The following PCDH11X variants were observed in gnomAD, a reference collection of about 807,000 sequenced individuals.
PCDH11X encodes the protein protocadherin 11 X-linked.
Under a neutral mutation model 53.3 loss-of-function variants are expected in PCDH11X, and 18 were observed. The observed-to-expected ratio is 0.34, with a 90% CI of 0.23 to 0.50. The LOEUF (loss-of-function observed/expected upper bound fraction) is 0.50. Ranked by LOEUF, PCDH11X falls within the 20% of genes least tolerant of loss-of-function variation. The pLI is 0.98. For missense variants in PCDH11X, 570 were observed against 1,032.4 expected, an observed-to-expected ratio of 0.55 and a Z score of 6.14; for synonymous variants, 279 against 393.3, an observed-to-expected ratio of 0.71 and a Z score of 3.44.
intron 7 of PCDH11X, among the ~76,000 whole-genome samples, chrX:92,249,409 T>A (rs373554493): frequency 5.4e-5 from 6 of 112,121 alleles, no homozygotes; most frequent in African/African-American, 1.9e-4. Flanking sequence ...TTTGCATAGA[T>A]CTTTAGCAGC....
intron 6 of PCDH11X, among the ~76,000 whole-genome samples, chrX:91,887,948 T>C (rs185572578): frequency 9.0e-6 from 1 of 111,719 alleles, no homozygotes; most frequent in East Asian, 2.8e-4. Context: ...TTTTATACTT[T>C]AAAAAAATAC....
chrX:92,328,325 A>G (rs371959097), intron 8 of PCDH11X, among the ~76,000 whole-genome samples: 1 of 110,570 alleles, frequency 9.0e-6, no homozygotes. Flanking sequence ...AGGGAAATTT[A>G]TGGCATAAAA....
At chrX:92,189,897 A>G (rs2066164285) in intron 6 of PCDH11X, among the ~76,000 whole-genome samples, 1 of 111,326 alleles carries the variant, frequency 9.0e-6, no homozygotes, top group Non-Finnish European at 1.9e-5. Flanking sequence ...CCTTTGCCCA[A>G]TTCTTAATGG....
At chrX:92,563,047 GTTTTTTTTTTTTTTTTTTTTT>G (rs61411325) in intron 10 of PCDH11X, among the ~76,000 whole-genome samples, 2 of 43,859 alleles carry the variant, frequency 4.6e-5, no homozygotes, top group African/African-American at 1.9e-4. Context: ...CCTTGGTACC[GTTTTTTTTTTTTTTTTTTTTT>G]TTTTTTTTTT....
rs769227987 is a variant in PCDH11X, at chrX:91,988,917, A to G, written c.3033+109644A>G. 6.3e-5 allele frequency among the ~76,000 whole-genome samples: 7 copies of G among 111,641 alleles called. 1 individual carries two copies. The South Asian group carries it at 2.6e-3, about 42-fold the overall frequency. Reference sequence around the variant, plus strand: ...CTTCCAAGAATTCACTTCTTGATTCAAATATATATCCATTTCACAGGGAAC... The same window carrying G: ...CTTCCAAGAATTCACTTCTTGATTCGAATATATATCCATTTCACAGGGAAC... On this transcript the variant is annotated intron_variant, in intron 6 of 10. Transcript: ENST00000682573.
intron 10 of PCDH11X, among the ~76,000 whole-genome samples, chrX:92,568,904 G>A (rs1267889650): frequency 9.0e-6 from 1 of 111,296 alleles, no homozygotes; most frequent in Non-Finnish European, 1.9e-5. Context: ...TAAAATTTAC[G>A]TAGTTGTTTA....
intron 8 of PCDH11X, among the ~76,000 whole-genome samples, chrX:92,381,878 A>G (rs2070881679): frequency 9.0e-6 from 1 of 111,157 alleles, no homozygotes; most frequent in Non-Finnish European, 1.9e-5. Flanking sequence ...TTAACTATTG[A>G]CTAATATTCT....
intron 7 of PCDH11X, among the ~76,000 whole-genome samples, chrX:92,224,406 GTTAAA>G (rs2066933934): frequency 9.0e-6 from 1 of 111,619 alleles, no homozygotes; most frequent in Non-Finnish European, 1.9e-5. Flanking sequence ...TATGCATTTT[GTTAAA>G]TTAAATTAAA....
At chrX:92,597,685 T>C (rs1198087449) in intron 10 of PCDH11X, among the ~76,000 whole-genome samples, 3 of 111,439 alleles carry the variant, frequency 2.7e-5, no homozygotes, top group African/African-American at 9.8e-5. Flanking sequence ...AATCCTAAAA[T>C]TCATATGGGA....
At chrX:92,142,370 GCACACACACACA>G (rs201418320) in intron 6 of PCDH11X, among the ~76,000 whole-genome samples, 4 of 95,571 alleles carry the variant, frequency 4.2e-5, no homozygotes, top group African/African-American at 1.6e-4. Context: ...GTGCGCGCGC[GCACACACACACA>G]CACACACACA....
chrX:91,979,128 T>C (rs750410933), intron 6 of PCDH11X, among the ~76,000 whole-genome samples: 2 of 110,899 alleles, frequency 1.8e-5, no homozygotes, highest in East Asian at 5.7e-4. Context: ...GACATCATGT[T>C]AATATGCTTG....
intron 10 of PCDH11X, among the ~76,000 whole-genome samples, chrX:92,554,588 C>T (rs2075017205): frequency 9.2e-6 from 1 of 109,169 alleles, no homozygotes; most frequent in African/African-American, 3.3e-5. Flanking sequence ...ATTCTTCAGC[C>T]TATAGCACTT....
At chrX:92,309,799 A>G (rs2148480065) in intron 8 of PCDH11X, among the ~76,000 whole-genome samples, 1 of 111,569 alleles carries the variant, frequency 9.0e-6, no homozygotes, top group African/African-American at 3.3e-5. Context: ...TGCATCTCTC[A>G]CTGCCGGAGA....
At chrX:92,551,989 G>GTTTTT (rs56334896) in intron 10 of PCDH11X, among the ~76,000 whole-genome samples, 2 of 76,180 alleles carry the variant, frequency 2.6e-5, no homozygotes, top group Admixed American at 1.6e-4. Context: ...GATTCCTCTG[G>GTTTTT]TTTTTTTTTT....
intron 8 of PCDH11X, among the ~76,000 whole-genome samples, chrX:92,266,138 G>T (rs2067825027): frequency 9.0e-6 from 1 of 111,575 alleles, no homozygotes; most frequent in African/African-American, 3.2e-5. Flanking sequence ...TTAAATTCAA[G>T]AAGCTATAAA....
At chrX:92,089,865 T>G (rs2064021055) in intron 6 of PCDH11X, among the ~76,000 whole-genome samples, 1 of 107,816 alleles carries the variant, frequency 9.3e-6, no homozygotes. Context: ...TAGAAGGAAA[T>G]CTCCATTGCA....
chrX:92,120,200 AC>A (rs1265680571), intron 6 of PCDH11X, among the ~76,000 whole-genome samples: 2 of 86,459 alleles, frequency 2.3e-5, no homozygotes, highest in Non-Finnish European at 2.1e-5. Flanking sequence ...TCTCTCTGTC[AC>A]CCCGGTTGGA....
In PCDH11X at chrX:92,353,731, C is replaced by T. The variant is rs1405473005; in HGVS notation, c.3145-34004C>T. On this transcript the variant is annotated intron_variant, in intron 8 of 10. Transcript: ENST00000682573. Reference sequence around the variant, plus strand: ...CTTTAGCTATCTTTAACATTCACATCGAATAATTTTCTAAGATCTGTAACT... The same window carrying T: ...CTTTAGCTATCTTTAACATTCACATTGAATAATTTTCTAAGATCTGTAACT... 8.3e-5 allele frequency among the ~76,000 whole-genome samples: 9 copies of T among 108,679 alleles called. No individual in the cohort carries two copies. The East Asian group carries it at 2.1e-3, about 25-fold the overall frequency. 94.4% of individuals were successfully genotyped at this position (108,679 alleles called of 115,157 possible). A position where few individuals can be genotyped will look rare whatever the true frequency, so the allele number is the denominator to read the frequency against.
chrX:92,041,888 G>A (rs890409349), intron 6 of PCDH11X, among the ~76,000 whole-genome samples: 4 of 111,832 alleles, frequency 3.6e-5, no homozygotes, highest in Admixed American at 1.9e-4. Flanking sequence ...AGAATCGCTT[G>A]AACCCAGGAG....
Sources: gnomAD v4.1 joint callset for allele counts (sites outside exome capture counted in the v4.1 genomes callset) on GRCh38, gnomAD v4.1.1 for gene constraint, MANE v1.5 for transcripts, NCBI Gene and HGNC (gene_info 2026-07-23, HGNC 2026-07-21) for gene names.